Variants in ACTN4 observed in about 807,000 individuals in gnomAD.
ACTN4 encodes alpha-actinin-4.
Under a neutral mutation model 114.2 loss-of-function variants are expected in ACTN4, and 18 were observed. That is an observed-to-expected ratio of 0.16 (90% CI 0.11 to 0.23). The LOEUF is 0.23. ACTN4 is among the 10% of genes least tolerant of loss of function. ACTN4 has a pLI of 1.00. For missense variants in ACTN4, 722 were observed against 1,262.9 expected (o/e 0.57, Z 6.49); for synonymous variants, 515 against 506.3 (o/e 1.02, Z -0.23).
rs762661647 is a variant in ACTN4 at position 38,709,420 on chromosome 19, A to G, written c.677A>G (p.Asn226Ser). The change falls in exon 7 of 21, where the codon AAT becomes AGT. Residue 226 changes from asparagine to serine, a missense_variant. Coordinates refer to ENST00000252699, the MANE Select transcript of ACTN4 (RefSeq NM_004924.6). ...RKDDPVTNLN[N>S]AFEVAEKYLD... The stretch of plus-strand genomic sequence containing the variant: ...GACGACCCTGTCACCAACCTGAACA[A>G]TGCCTTCGAAGTGGCTGAGAAATAC... 4 of 1,614,058 alleles carry G rather than the reference A, an allele frequency of 2.5e-6. No homozygotes were observed. Among genetic ancestry groups the G allele is most frequent in the African/African-American group, 1.3e-5 (1 of 74,920 alleles).
intron 1 of ACTN4, among the ~76,000 whole-genome samples, chr19:38,699,948 C>T (rs4802747): frequency 0.15 from 22,679 of 151,972 alleles, 1,989 homozygotes; most frequent in Middle Eastern, 0.36. Context: ...AAGAGAGACT[C>T]GAGGAAATCC....
chr19:38,705,484 G>A (rs113715553), intron 4 of ACTN4, among the ~76,000 whole-genome samples: 4 of 152,342 alleles, frequency 2.6e-5, no homozygotes, highest in African/African-American at 7.2e-5. Flanking sequence ...CACACAGGAT[G>A]GGCAGAGCCA....
At chr19:38,690,605 T>C (rs34126343) in intron 1 of ACTN4, among the ~76,000 whole-genome samples, 8,549 of 152,280 alleles carry the variant, frequency 0.056, 254 homozygotes, top group South Asian at 0.096. Flanking sequence ...GAGCAGCCAC[T>C]ACCAACTTGG....
At chr19:38,692,250 GC>G (rs976993310) in intron 1 of ACTN4, among the ~76,000 whole-genome samples, 2 of 152,232 alleles carry the variant, frequency 1.3e-5, no homozygotes, top group Admixed American at 1.3e-4. Flanking sequence ...CACTTGCTTT[GC>G]CCCTGGCTGG....
intron 12 of ACTN4, among the ~76,000 whole-genome samples, chr19:38,722,864 C>T (rs908504751): frequency 1.3e-5 from 2 of 152,192 alleles, no homozygotes; most frequent in Admixed American, 6.5e-5. Flanking sequence ...AGGCGGTCCC[C>T]GAAGCAGCTC....
At chr19:38,714,930 G>A (rs1350639103) in intron 9 of ACTN4, among the ~76,000 whole-genome samples, 1 of 152,232 alleles carries the variant, frequency 6.6e-6, no homozygotes, top group Non-Finnish European at 1.5e-5. Flanking sequence ...ATGGAGAGGG[G>A]CCTGGGAACC....
At chr19:38,674,075 C>T (rs34525537) in intron 1 of ACTN4, among the ~76,000 whole-genome samples, 8,888 of 151,968 alleles carry the variant, frequency 0.058, 283 homozygotes, top group South Asian at 0.11. Context: ...CCACTGCGCC[C>T]GGTGTGATTA....
At chr19:38,689,936 T>C (rs1967868516) in intron 1 of ACTN4, among the ~76,000 whole-genome samples, 1 of 152,150 alleles carries the variant, frequency 6.6e-6, no homozygotes, top group African/African-American at 2.4e-5. Context: ...TTGCTAAGCC[T>C]AGCTGGGGAA....
At chr19:38,650,989 T>C (rs1976545885) in intron 1 of ACTN4, among the ~76,000 whole-genome samples, 1 of 152,118 alleles carries the variant, frequency 6.6e-6, no homozygotes, top group South Asian at 2.1e-4. Context: ...CGCCTCGGTC[T>C]CCCAAAGTGC....
chr19:38,719,028 C>A (rs963594947), intron 11 of ACTN4, among the ~76,000 whole-genome samples: 1 of 152,248 alleles, frequency 6.6e-6, no homozygotes, highest in Non-Finnish European at 1.5e-5. Flanking sequence ...GCCTCCTTCC[C>A]GGGCCTGGCT....
chr19:38,685,241 G>A (rs1967705811), intron 1 of ACTN4, among the ~76,000 whole-genome samples: 1 of 152,086 alleles, frequency 6.6e-6, no homozygotes, highest in Admixed American at 6.5e-5. Flanking sequence ...ACCGTGCTTG[G>A]CCAACCCACC....
chr19:38,700,827 C>T, intron 2 of ACTN4, 113 bp downstream of exon 2: 1 of 1,369,736 alleles, frequency 7.3e-7, no homozygotes, highest in Non-Finnish European at 1.0e-6. Context: ...GAGGAGAGGG[C>T]ACCCCTTAAT....
At chr19:38,700,030 G>A (rs374309066) in intron 1 of ACTN4, among the ~76,000 whole-genome samples, 4 of 152,276 alleles carry the variant, frequency 2.6e-5, no homozygotes, top group South Asian at 2.1e-4. Flanking sequence ...TGATTGGAAC[G>A]TAGCAGCCTG....
intron 1 of ACTN4, among the ~76,000 whole-genome samples, chr19:38,695,670 G>A (rs1333169520): frequency 6.6e-6 from 1 of 152,030 alleles, no homozygotes; most frequent in Non-Finnish European, 1.5e-5. Context: ...CTTCCTTCTC[G>A]GAGTGGGCTC....
chr19:38,721,500 G>A (rs575171373), intron 11 of ACTN4, 38 bp from the exon 12 acceptor site: 2 of 1,611,854 alleles, frequency 1.2e-6, no homozygotes, highest in African/African-American at 2.7e-5. Context: ...CCCCACAGCT[G>A]CCGTGCTGTG....
chr19:38,649,180 G>T (rs1176066556), intron 1 of ACTN4, among the ~76,000 whole-genome samples: 1 of 142,830 alleles, frequency 7.0e-6, no homozygotes, highest in East Asian at 2.1e-4. Flanking sequence ...CTGTTTTTTT[G>T]GGGGGCGGGG....
At chr19:38,701,262 T>C in intron 3 of ACTN4, 141 bp downstream of exon 3, 1 of 1,401,064 alleles carries the variant, frequency 7.1e-7, no homozygotes, top group Non-Finnish European at 9.7e-7. Flanking sequence ...TACTCAGCAG[T>C]GATCACAACA....
chr19:38,721,460 C>T, intron 11 of ACTN4, 78 bp from the exon 12 acceptor site: 1 of 1,556,606 alleles, frequency 6.4e-7, no homozygotes, highest in Non-Finnish European at 8.8e-7. Context: ...CTTTCCCTCC[C>T]TCTGCTTGGA....
At chr19:38,707,044 G>A (rs943832284) in intron 5 of ACTN4, among the ~76,000 whole-genome samples, 4 of 152,138 alleles carry the variant, frequency 2.6e-5, no homozygotes, top group South Asian at 2.1e-4. Context: ...TGGATGGCCC[G>A]CACAGGAATG....
Sources: gnomAD v4.1 joint callset for allele counts (sites outside exome capture counted in the v4.1 genomes callset) on GRCh38, gnomAD v4.1.1 for gene constraint, MANE v1.5 for transcripts, NCBI Gene and HGNC (gene_info 2026-07-23, HGNC 2026-07-21) for gene names.